DNAH14: variants seen among roughly 807,000 people sequenced by gnomAD.
DNAH14 encodes the protein axonemal beta dynein heavy chain 14.
Under a neutral mutation model 520.9 loss-of-function variants are expected in DNAH14, and 478 were observed. The ratio of observed to expected loss-of-function variants is 0.92; its 90% CI spans 0.85 to 0.99. The LOEUF (loss-of-function observed/expected upper bound fraction) is 0.99, where lower values mean the gene tolerates loss of function less well. Ranked by LOEUF, DNAH14 falls within the 50% of genes least tolerant of loss-of-function variation. The pLI, the probability that DNAH14 is intolerant of heterozygous loss-of-function variation, is 0.00. For synonymous variants in DNAH14, 1,581 were observed against 1,757.2 expected, an observed-to-expected ratio of 0.90 and a Z score of 2.51; for missense variants, 4,831 against 5,234.5, an observed-to-expected ratio of 0.92 and a Z score of 2.38.
intron 7 of DNAH14, among the ~76,000 whole-genome samples, chr1:224,973,548 A>G (rs956225659): frequency 4.6e-5 from 7 of 152,316 alleles, no homozygotes; most frequent in Middle Eastern, 3.4e-3. Flanking sequence ...AATGCATGAC[A>G]ATTATTGATG....
intron 76 of DNAH14, among the ~76,000 whole-genome samples, chr1:225,367,086 C>T (rs2095562579): frequency 6.6e-6 from 1 of 151,494 alleles, no homozygotes; most frequent in African/African-American, 2.4e-5. Context: ...ATTTATATAT[C>T]ATATATAGAT....
chr1:225,256,354 A>G (rs1016708736), intron 44 of DNAH14, among the ~76,000 whole-genome samples: 12 of 152,192 alleles, frequency 7.9e-5, no homozygotes, highest in Non-Finnish European at 1.5e-4. Context: ...AGTAGGGTAG[A>G]AAACCGGAAG....
In DNAH14 at chr1:225,277,440, G is replaced by A. The variant is rs1360617549; in HGVS notation, c.8209G>A (p.Ala2737Thr). The A allele has an allele frequency of 2.1e-6, 1 of 470,362 alleles. No homozygotes were observed. The highest frequency in any genetic ancestry group is 1.6e-5 in the South Asian group (1 of 64,372). 29.1% of individuals were successfully genotyped at this position (470,362 alleles called of 1,614,324 possible). Residue 2737 changes from alanine (A) to threonine (T), a missense_variant, in exon 54 of 86, where the codon GCC becomes ACC. Coordinates refer to ENST00000682510, the MANE Select transcript of DNAH14 (RefSeq NM_001367479.1). ...LSHSMVFFKE[A>T]IEHIIRATRV... ...TCATTCCATGGTGTTCTTCAAGGAA[G>A]CCATAGAACACATCATAAGAGCAAC...
intron 17 of DNAH14, among the ~76,000 whole-genome samples, chr1:225,065,212 T>G (rs2070716651): frequency 6.6e-6 from 1 of 151,974 alleles, no homozygotes; most frequent in Admixed American, 6.6e-5. Flanking sequence ...TTTTATAGTT[T>G]GGGGTTTTAC....
intron 54 of DNAH14, among the ~76,000 whole-genome samples, chr1:225,286,235 C>T (rs2093739255): frequency 6.6e-6 from 1 of 152,126 alleles, no homozygotes; most frequent in Non-Finnish European, 1.5e-5. Flanking sequence ...TGGTGTTTTG[C>T]AGCACTGTAG....
intron 42 of DNAH14, among the ~76,000 whole-genome samples, chr1:225,238,879 TAAAG>T (rs1028476764): frequency 1.3e-5 from 2 of 152,094 alleles, no homozygotes; most frequent in African/African-American, 4.8e-5. Context: ...GGGTCCCTCT[TAAAG>T]AAGCAGTCTG....
intron 54 of DNAH14, among the ~76,000 whole-genome samples, chr1:225,281,811 AAAT>A (rs1196322616): frequency 6.6e-6 from 1 of 152,192 alleles, no homozygotes; most frequent in Admixed American, 6.5e-5. Context: ...TTAAAAATAA[AAAT>A]AAAATAAAAT....
chr1:225,240,751 A>G lies in DNAH14; in HGVS notation c.6677A>G (p.Asp2226Gly), dbSNP rs1574231516. ...NIPFCPSLEP[D>G]SLAKVTYDFD... ...CCATTTTGTCCCAGTCTTGAACCTG[A>G]TTCTCTTGCAAAAGTAACATACGAT... The change falls in exon 43 of 86, where the codon GAT (aspartate) becomes GGT (glycine). Residue 2226 changes from aspartate to glycine, a missense_variant. Transcript: ENST00000682510. 6.4e-7 allele frequency: 1 copy of G among 1,550,512 alleles called. No individual in the cohort carries two copies. The highest frequency in any genetic ancestry group is 2.5e-5 in the East Asian group (1 of 40,814).
chr1:225,353,903 G>A lies in DNAH14; in HGVS notation c.11619+15G>A. On this transcript the variant is annotated intron_variant, in intron 73 of 85. Coordinates refer to ENST00000682510, the MANE Select transcript of DNAH14 (RefSeq NM_001367479.1). The stretch of plus-strand genomic sequence containing the variant: ...GACTTATTTTGGTAAGATATCTTAT[G>A]AGGAAATATTAATATTCTAAATATT... 1 of 1,326,350 alleles carries A rather than the reference G, an allele frequency of 7.5e-7. No homozygotes were observed. Among genetic ancestry groups the A allele is most frequent in the Admixed American group, 2.3e-5 (1 of 43,824 alleles). The allele number at this position is 1,326,350 out of a possible 1,614,324, so 82.2% of individuals were successfully genotyped here. A position where few individuals can be genotyped will look rare whatever the true frequency, so the allele number is the denominator to read the frequency against.
At chr1:225,222,906 G>A (rs2090181983) in intron 41 of DNAH14, among the ~76,000 whole-genome samples, 3 of 152,288 alleles carry the variant, frequency 2.0e-5, no homozygotes, top group Admixed American at 2.0e-4. Flanking sequence ...ACAAGATCAT[G>A]CACAAGGGCA....
chr1:225,174,293 A>G (rs1415731245), intron 36 of DNAH14, among the ~76,000 whole-genome samples: 1 of 152,138 alleles, frequency 6.6e-6, no homozygotes, highest in Non-Finnish European at 1.5e-5. Flanking sequence ...GAAAAACAAT[A>G]TGAATTCTTG....
rs1017473298 is a variant in DNAH14, at chr1:225,023,513, A to T, written c.1108-102A>T. On this transcript the variant is annotated intron_variant, in intron 10 of 85. Coordinates refer to ENST00000682510, the MANE Select transcript of DNAH14 (RefSeq NM_001367479.1). Reference sequence around the variant, plus strand: ...AGGTATTAAAATATCAATTCTTAACATTCACATCTAATTGAAGTTGATAAA... The same window carrying T: ...AGGTATTAAAATATCAATTCTTAACTTTCACATCTAATTGAAGTTGATAAA... The T allele has an allele frequency of 2.7e-5, 25 of 921,854 alleles. 1 individual carries two copies. The East Asian group carries it at 6.6e-4, about 24-fold the overall frequency. The allele number at this position is 921,854 out of a possible 1,614,324, so 57.1% of individuals were successfully genotyped here.
chr1:225,271,682 C>T (rs2093318742), intron 50 of DNAH14, among the ~76,000 whole-genome samples: 1 of 152,164 alleles, frequency 6.6e-6, no homozygotes, highest in African/African-American at 2.4e-5. Context: ...CCTTTTAGAC[C>T]ATTCAAGAGA....
chr1:225,388,690 CAA>C (rs2095869312), intron 82 of DNAH14, among the ~76,000 whole-genome samples, 199 bp downstream of exon 82: 1 of 152,150 alleles, frequency 6.6e-6, no homozygotes, highest in African/African-American at 2.4e-5. Flanking sequence ...CCCTCCACTC[CAA>C]GAGACAGTTA....
chr1:225,038,678 C>T lies in DNAH14; in HGVS notation c.1359-16C>T. On this transcript the variant is annotated splice_polypyrimidine_tract_variant and intron_variant, in intron 11 of 85. Coordinates refer to ENST00000682510, the MANE Select transcript of DNAH14 (RefSeq NM_001367479.1). ...TGATTTTTAAATGATTTTTTTCTTC[C>T]CATTTCTTAATCCAGAACATTCAAG... 2 of 1,508,994 alleles carry T rather than the reference C, an allele frequency of 1.3e-6. No individual in the cohort carries two copies. Among genetic ancestry groups the T allele is most frequent in the South Asian group, 1.3e-5 (1 of 75,460 alleles). 93.5% of individuals were successfully genotyped at this position (1,508,994 alleles called of 1,614,324 possible).
intron 4 of DNAH14, among the ~76,000 whole-genome samples, chr1:224,963,416 T>C (rs191747597): frequency 5.3e-4 from 81 of 152,274 alleles, no homozygotes; most frequent in Non-Finnish European, 9.1e-4. Flanking sequence ...TCCACATTTA[T>C]AGCTCTAATC....
chr1:225,003,069 A>G (rs2063887827), intron 9 of DNAH14, 142 bp downstream of exon 9: 3 of 771,476 alleles, frequency 3.9e-6, no homozygotes, highest in Non-Finnish European at 3.8e-6. Flanking sequence ...AAATATCTGC[A>G]AAGAATGTGA....
At chr1:224,935,662 A>G (rs1396357928) in intron 1 of DNAH14, among the ~76,000 whole-genome samples, 1 of 151,882 alleles carries the variant, frequency 6.6e-6, no homozygotes, top group Non-Finnish European at 1.5e-5. Flanking sequence ...GATTATCTAG[A>G]CAGAAAATCA....
At chr1:225,255,829 AAGAT>A (rs1426206582) in intron 44 of DNAH14, among the ~76,000 whole-genome samples, 2 of 152,198 alleles carry the variant, frequency 1.3e-5, no homozygotes, top group Non-Finnish European at 2.9e-5. Context: ...AATAAAAAGA[AAGAT>A]AGAAAATACC....
Sources: allele counts gnomAD v4.1 joint callset (sites outside exome capture counted in the v4.1 genomes callset), GRCh38; gene constraint gnomAD v4.1.1; transcripts MANE v1.5; gene names NCBI Gene and HGNC (gene_info 2026-07-23, HGNC 2026-07-21).